The following PCDH15 variants were observed in gnomAD, a reference collection of about 807,000 sequenced individuals.
PCDH15 encodes the protein protocadherin related 15.
A neutral mutation model predicts 178.5 loss-of-function variants in PCDH15; 129 were observed. That is an observed-to-expected ratio of 0.72 (90% confidence interval 0.63 to 0.84). The LOEUF (loss-of-function observed/expected upper bound fraction) is 0.84. Ranked by LOEUF, PCDH15 falls within the 40% of genes least tolerant of loss-of-function variation. PCDH15 has a pLI of 0.00. For synonymous variants in PCDH15, 800 were observed against 732.0 expected (o/e 1.09, Z -1.50); for missense variants, 2,230 against 2,099.9 (o/e 1.06, Z -1.21).
intron 2 of PCDH15, among the ~76,000 whole-genome samples, chr10:54,949,970 C>T (rs1838294856): frequency 6.6e-6 from 1 of 151,994 alleles, no homozygotes; most frequent in Admixed American, 6.6e-5. Context: ...CAGATTTTCC[C>T]ACATCTTCAT....
chr10:55,464,620 G>C lies in PCDH15; in HGVS notation c.-156+163005C>G, dbSNP rs150686983. Among the ~76,000 whole-genome samples the C allele has an allele frequency of 8.6e-3, 622 of 71,962 alleles. 10 individuals carry two copies. Among genetic ancestry groups the C allele is most frequent in the African/African-American group, 0.038 (591 of 15,746 alleles). The allele number at this position is 71,962 out of a possible 152,430, so 47.2% of individuals were successfully genotyped here. ...AAAAATGGCCTAAAACAGTAAATGGGAGTAAATATATATATATATATATAT... is the reference window on the plus strand; with the variant it reads ...AAAAATGGCCTAAAACAGTAAATGGCAGTAAATATATATATATATATATAT... On this transcript the variant is annotated intron_variant, in intron 2 of 5. Transcript: ENST00000613346.
intron 1 of PCDH15, among the ~76,000 whole-genome samples, chr10:55,213,975 C>T (rs1289714878): frequency 6.6e-6 from 1 of 151,804 alleles, no homozygotes; most frequent in African/African-American, 2.4e-5. Context: ...GTTATTATTT[C>T]AATTCTAAGC....
chr10:53,845,643 T>G (rs1210799457), intron 28 of PCDH15, among the ~76,000 whole-genome samples: 1 of 151,834 alleles, frequency 6.6e-6, no homozygotes, highest in Non-Finnish European at 1.5e-5. Flanking sequence ...ATATCACATA[T>G]TCTCATTCAT....
intron 8 of PCDH15, among the ~76,000 whole-genome samples, chr10:54,315,663 T>C (rs896953616): frequency 2.0e-5 from 3 of 151,996 alleles, no homozygotes; most frequent in African/African-American, 7.2e-5. Context: ...TAGTTTGGAG[T>C]TTTACATTTA....
chr10:55,559,008 T>A (rs1215658759), intron 2 of PCDH15, among the ~76,000 whole-genome samples: 1 of 152,054 alleles, frequency 6.6e-6, no homozygotes, highest in African/African-American at 2.4e-5. Flanking sequence ...TCTCTAGAAG[T>A]CTCCCTTATG....
intron 1 of PCDH15, among the ~76,000 whole-genome samples, chr10:55,169,265 A>G (rs763281455): frequency 6.6e-6 from 1 of 152,192 alleles, no homozygotes; most frequent in Non-Finnish European, 1.5e-5. Flanking sequence ...TAGTCATTGC[A>G]CAGTGTATAT....
intron 1 of PCDH15, among the ~76,000 whole-genome samples, chr10:55,240,045 G>A (rs1298357059): frequency 2.0e-5 from 3 of 152,152 alleles, no homozygotes; most frequent in Admixed American, 2.0e-4. Flanking sequence ...AATGAAGGAT[G>A]TGGAGGAAGC....
chr10:55,614,689 T>G (rs1000170805), intron 2 of PCDH15, among the ~76,000 whole-genome samples: 1 of 152,196 alleles, frequency 6.6e-6, no homozygotes, highest in African/African-American at 2.4e-5. Context: ...CACAGTTTGT[T>G]AAAGTGGTTT....
At chr10:54,664,038 G>A in intron 2 of PCDH15, 134 bp downstream of exon 2, 2 of 740,434 alleles carry the variant, frequency 2.7e-6, no homozygotes, top group Non-Finnish European at 2.3e-6. Flanking sequence ...TTTAGTTAAG[G>A]TTAATTATTA....
chr10:54,709,189 A>T (rs1384282842), intron 1 of PCDH15, among the ~76,000 whole-genome samples: 1 of 152,152 alleles, frequency 6.6e-6, no homozygotes, highest in Non-Finnish European at 1.5e-5. Flanking sequence ...TCAGTTGCTC[A>T]AGCACTGAAA....
intron 2 of PCDH15, among the ~76,000 whole-genome samples, chr10:55,448,419 G>A (rs1440242678): frequency 2.0e-5 from 3 of 151,832 alleles, no homozygotes; most frequent in Non-Finnish European, 2.9e-5. Context: ...CATATCCTGG[G>A]AAAATGTGTG....
chr10:54,756,054 AAAACAC>A (rs544288679), intron 1 of PCDH15, among the ~76,000 whole-genome samples: 54,049 of 111,786 alleles, frequency 0.48, 11,337 homozygotes, highest in Middle Eastern at 0.62. Flanking sequence ...GTCTCTACTA[AAAACAC>A]ACACACACAC....
intron 2 of PCDH15, among the ~76,000 whole-genome samples, chr10:55,536,677 G>T (rs1157990585): frequency 6.6e-6 from 1 of 152,064 alleles, no homozygotes; most frequent in Non-Finnish European, 1.5e-5. Flanking sequence ...CCAGATATTT[G>T]TTTTTCCTGC....
chr10:54,993,614 A>G (rs1334647403), intron 2 of PCDH15, among the ~76,000 whole-genome samples: 1 of 152,066 alleles, frequency 6.6e-6, no homozygotes, highest in Non-Finnish European at 1.5e-5. Flanking sequence ...TGATGAATGA[A>G]CTAGAGGTAA....
At chr10:54,591,932 C>A (rs1262810372) in intron 2 of PCDH15, among the ~76,000 whole-genome samples, 3 of 152,058 alleles carry the variant, frequency 2.0e-5, no homozygotes, top group Non-Finnish European at 4.4e-5. Flanking sequence ...CTTGTCAGAA[C>A]CCAATGTGAA....
intron 2 of PCDH15, among the ~76,000 whole-genome samples, chr10:55,452,461 A>G (rs943331705): frequency 2.0e-5 from 3 of 152,116 alleles, no homozygotes; most frequent in Admixed American, 1.3e-4. Context: ...TTATGTTCCA[A>G]TTTTGTTACA....
At chr10:54,068,866 T>C (rs190310569) in intron 17 of PCDH15, among the ~76,000 whole-genome samples, 2 of 144,604 alleles carry the variant, frequency 1.4e-5, no homozygotes, top group East Asian at 3.9e-4. Context: ...TTCTTAAGAT[T>C]ATTTACTTTA....
intron 17 of PCDH15, among the ~76,000 whole-genome samples, chr10:54,078,321 T>C (rs1435369989): frequency 6.6e-6 from 1 of 152,000 alleles, no homozygotes; most frequent in African/African-American, 2.4e-5. Context: ...ACTATTCAGG[T>C]ATCAATTTTA....
chr10:55,280,254 G>T (rs993566716), intron 1 of PCDH15, among the ~76,000 whole-genome samples: 1 of 149,936 alleles, frequency 6.7e-6, no homozygotes, highest in Admixed American at 6.7e-5. Context: ...TGGAAAGGAT[G>T]GGGTTATTTT....
Sources: allele counts gnomAD v4.1 joint callset (sites outside exome capture counted in the v4.1 genomes callset), GRCh38; gene constraint gnomAD v4.1.1; transcripts MANE v1.5; gene names NCBI Gene and HGNC (gene_info 2026-07-23, HGNC 2026-07-21).